The following FYB2 variants were observed in gnomAD, a reference collection of about 807,000 sequenced individuals.
FYB2 encodes the protein FYN-binding protein 2.
In FYB2, 103 loss-of-function variants were observed where a neutral mutation model predicts 94.1. The observed-to-expected ratio is 1.09, with a 90% CI of 0.93 to 1.29. The LOEUF (loss-of-function observed/expected upper bound fraction) is 1.29. Ranked by LOEUF, FYB2 falls within the 50% of genes most tolerant of loss-of-function variation. The pLI is 0.00. For missense variants in FYB2, 896 were observed against 841.5 expected (o/e 1.06, Z -0.80); for synonymous variants, 293 against 287.9 (o/e 1.02, Z -0.18).
At chr1:56,724,394 C>A (rs930302539) in intron 16 of FYB2, among the ~76,000 whole-genome samples, 1 of 152,006 alleles carries the variant, frequency 6.6e-6, no homozygotes, top group African/African-American at 2.4e-5. Flanking sequence ...TTCTTTTTAG[C>A]AGTTCAATGT....
At chr1:56,814,526 T>C (rs139022281) in intron 1 of FYB2, among the ~76,000 whole-genome samples, 38 of 152,254 alleles carry the variant, frequency 2.5e-4, no homozygotes, top group African/African-American at 8.7e-4. Context: ...TGTGTCACTG[T>C]CAAGGACTAA....
chr1:56,746,375 C>T (rs75086569), intron 9 of FYB2, among the ~76,000 whole-genome samples: 6,952 of 151,616 alleles, frequency 0.046, 259 homozygotes, highest in East Asian at 0.15. Context: ...TTATTTGTTC[C>T]ATGTTTTTCT....
chr1:56,767,950 A>C lies in FYB2; in HGVS notation c.954-12T>G, dbSNP rs1645664899. The C allele has an allele frequency of 6.5e-7, 1 of 1,534,850 alleles. No individual in the cohort carries two copies. Reference sequence around the variant, plus strand: ...CTGCATTGAAAAGCCTGGAGAAAAAAGGGTTACTTAAAATGTAACATTTTT... The same window carrying C: ...CTGCATTGAAAAGCCTGGAGAAAAACGGGTTACTTAAAATGTAACATTTTT... On this transcript the variant is annotated splice_polypyrimidine_tract_variant and intron_variant, in intron 4 of 19. Coordinates refer to ENST00000343433, the MANE Select transcript of FYB2 (RefSeq NM_001004303.5).
chr1:56,767,803 A>G (rs764304436), intron 5 of FYB2, 26 bp downstream of exon 5: 11 of 1,490,772 alleles, frequency 7.4e-6, no homozygotes, highest in Non-Finnish European at 9.3e-6. Context: ...ACAGGGTTAC[A>G]CTATTAATTG....
rs927709162 is a variant in FYB2, at chr1:56,792,056, C to T, written c.757G>A (p.Glu253Lys). 6 of 1,572,422 alleles carry T rather than the reference C, an allele frequency of 3.8e-6. No individual in the cohort carries two copies. Among genetic ancestry groups the T allele is most frequent in the Non-Finnish European group, 8.6e-7 (1 of 1,164,388 alleles). ...GTCCCATGGGGATCACGTTTGTTAC[C>T]TGGGGCCTGACTGGCAAGCTCACAC... The part of the protein sequence containing the change: ...YECELASQAP[E>K]KQPDVRHHHL... Residue 253 changes from glutamate (E) to lysine (K), a missense_variant and splice_region_variant, in exon 2 of 20, where the codon GAA (glutamate) becomes AAA (lysine). Transcript: ENST00000343433.
intron 8 of FYB2, 83 bp from the exon 9 acceptor site, chr1:56,751,286 A>C (rs1645192712): frequency 7.7e-7 from 1 of 1,301,702 alleles, no homozygotes; most frequent in Non-Finnish European, 1.1e-6. Flanking sequence ...TTTTTCATTC[A>C]TTCCTCATGG....
chr1:56,772,174 C>T (rs1376158064), intron 4 of FYB2, among the ~76,000 whole-genome samples: 3 of 151,960 alleles, frequency 2.0e-5, no homozygotes, highest in Non-Finnish European at 4.4e-5. Context: ...CTCATTTGGT[C>T]TATGGTAAAT....
In FYB2 at chr1:56,767,889, A is replaced by G; in HGVS notation, c.1003T>C (p.Ser335Pro). The G allele has an allele frequency of 6.2e-7, 1 of 1,612,238 alleles. No individual in the cohort carries two copies. The highest frequency in any genetic ancestry group is 1.3e-5 in the African/African-American group (1 of 74,902). The stretch of plus-strand genomic sequence containing the variant: ...GAGTTGCCAGAGTGTCTCAGATATG[A>G]AATTGTTGCCTCGTAATTATGTGGT... ...EEPHNYEATI[S>P]YLRHSGNSIN... Residue 335 changes from serine (S) to proline (P), a missense_variant, in exon 5 of 20, where the codon TCA becomes CCA. Coordinates refer to ENST00000343433, the MANE Select transcript of FYB2 (RefSeq NM_001004303.5).
intron 1 of FYB2, among the ~76,000 whole-genome samples, chr1:56,794,977 G>A (rs1271238320): frequency 1.3e-5 from 2 of 151,690 alleles, no homozygotes; most frequent in Non-Finnish European, 2.9e-5. Context: ...TTATATTGTG[G>A]TAAAATACAC....
upstream of FYB2, among the ~76,000 whole-genome samples, chr1:56,823,153 A>T (rs1006787580): frequency 6.6e-6 from 1 of 152,186 alleles, no homozygotes; most frequent in Non-Finnish European, 1.5e-5. Flanking sequence ...ATGAATGAAG[A>T]AAGTGAGGCT....
rs1489155296 is a variant in FYB2, at chr1:56,744,073, G to A, written c.1503-7C>T. 7 of 1,612,446 alleles carry A rather than the reference G, an allele frequency of 4.3e-6. No individual in the cohort carries two copies. The highest frequency in any genetic ancestry group is 1.7e-5 in the Admixed American group (1 of 59,792). On this transcript the variant is annotated splice_region_variant and splice_polypyrimidine_tract_variant and intron_variant, in intron 10 of 19. Transcript: ENST00000343433. The stretch of plus-strand genomic sequence containing the variant: ...AGAGTAGTTCAGCTTCGGTCTATGG[G>A]AGAAAATAACAAAGACCATTATTGT...
At chr1:56,759,158 C>T (rs1407849599) in intron 5 of FYB2, among the ~76,000 whole-genome samples, 1 of 152,210 alleles carries the variant, frequency 6.6e-6, no homozygotes, top group Non-Finnish European at 1.5e-5. Context: ...TGTTCCACAG[C>T]CATTTTTATT....
At chr1:56,756,971 C>T (rs1464743130) in intron 6 of FYB2, among the ~76,000 whole-genome samples, 1 of 152,022 alleles carries the variant, frequency 6.6e-6, no homozygotes, top group Non-Finnish European at 1.5e-5. Context: ...AAGAGCATCT[C>T]AAAAGAAGAG....
At chr1:56,820,994 T>C (rs557325184), upstream of FYB2, among the ~76,000 whole-genome samples, 5 of 152,312 alleles carry the variant, frequency 3.3e-5, no homozygotes, top group Admixed American at 1.3e-4. Flanking sequence ...CACTGCTGTG[T>C]AGACTCTGCT....
At chr1:56,722,291 A>AT (rs1256703925) in intron 17 of FYB2, among the ~76,000 whole-genome samples, 1 of 152,144 alleles carries the variant, frequency 6.6e-6, no homozygotes, top group African/African-American at 2.4e-5. Context: ...CTCAAAAAAT[A>AT]TTTTATGCAT....
At chr1:56,753,788 T>G (rs772806145) in intron 8 of FYB2, 51 bp downstream of exon 8, 38 of 1,316,748 alleles carry the variant, frequency 2.9e-5, no homozygotes, top group Non-Finnish European at 4.2e-5. Flanking sequence ...GTCACCCCCA[T>G]GAACTGATCT....
chr1:56,749,371 C>T (rs1323010187), intron 9 of FYB2, among the ~76,000 whole-genome samples: 1 of 151,454 alleles, frequency 6.6e-6, no homozygotes, highest in African/African-American at 2.4e-5. Context: ...GACTTTTATC[C>T]TCTCTTTTAC....
At chr1:56,808,781 G>T (rs147110954) in intron 1 of FYB2, among the ~76,000 whole-genome samples, 4 of 152,250 alleles carry the variant, frequency 2.6e-5, no homozygotes, top group African/African-American at 9.6e-5. Flanking sequence ...CTAAGGTCAC[G>T]TTATATCTCA....
At chr1:56,816,868 T>A (rs1418457300) in intron 1 of FYB2, among the ~76,000 whole-genome samples, 1 of 151,934 alleles carries the variant, frequency 6.6e-6, no homozygotes, top group South Asian at 2.1e-4. Flanking sequence ...ATTTTCTTTT[T>A]TTTTTTTTTG....
Sources: allele counts gnomAD v4.1 joint callset (sites outside exome capture counted in the v4.1 genomes callset), GRCh38; gene constraint gnomAD v4.1.1; transcripts MANE v1.5; gene names NCBI Gene and HGNC (gene_info 2026-07-23, HGNC 2026-07-21).